Variants in ATP5F1E observed in about 807,000 individuals in gnomAD.
ATP5F1E encodes the protein ATP synthase F1 subunit epsilon.
A neutral mutation model predicts 7.0 loss-of-function variants in ATP5F1E; 5 were observed. The observed-to-expected ratio is 0.71, with a 90% CI of 0.37 to 1.49. The LOEUF is 1.49. Ranked by LOEUF, ATP5F1E falls within the 40% of genes most tolerant of loss-of-function variation. The probability of loss-of-function intolerance (pLI) is 0.03; values close to 1 mark genes in which losing one functional copy is unlikely to be tolerated. For missense variants in ATP5F1E, 59 were observed against 57.1 expected (o/e 1.03, Z -0.11); for synonymous variants, 20 against 20.1 (o/e 0.99, Z 0.02).
chr20:59,032,258 G>A lies in ATP5F1E; in HGVS notation c.-7C>T, dbSNP rs587780857. 1 of 1,601,462 alleles carries A rather than the reference G, an allele frequency of 6.2e-7. No homozygotes were observed. Among genetic ancestry groups the A allele is most frequent in the Non-Finnish European group, 8.5e-7 (1 of 1,174,754 alleles). ...GTCTCCAGTAGGCCACCATGCTGTA[G>A]CGAAAGCGGAGCTCGTCGGGCCGAA... is the stretch of plus-strand genomic sequence containing the variant. On this transcript the variant is annotated 5_prime_UTR_variant, in exon 1 of 3. Coordinates refer to ENST00000243997, the MANE Select transcript of ATP5F1E (RefSeq NM_006886.4).
intron 1 of ATP5F1E, among the ~76,000 whole-genome samples, chr20:59,031,513 T>C (rs1188490288): frequency 2.0e-5 from 3 of 152,156 alleles, no homozygotes; most frequent in Admixed American, 6.5e-5. Context: ...TAACAAGGTG[T>C]GTCACCTAGA....
chr20:59,030,856 T>C (rs2092023194), intron 1 of ATP5F1E, among the ~76,000 whole-genome samples: 1 of 152,236 alleles, frequency 6.6e-6, no homozygotes, highest in Non-Finnish European at 1.5e-5. Flanking sequence ...GAGGTATACA[T>C]AAGAGAAAAC....
Position 59,026,177 on chromosome 20 carries a change from CT to C in ATP5F1E, c.*2667del, listed in dbSNP as rs1242643142. ...GATGACAGTTGCTCATTCTGAGAAA[CT>C]TCACTCTTTTCACTTATGCATCACG... On this transcript the variant is annotated 3_prime_UTR_variant, in exon 3 of 3. Coordinates refer to ENST00000243997, the MANE Select transcript of ATP5F1E (RefSeq NM_006886.4). 6.6e-6 allele frequency: 1 copy of C among 152,192 alleles called. No homozygotes were observed. The highest frequency in any genetic ancestry group is 1.9e-4 in the East Asian group (1 of 5,202). 9.4% of individuals were successfully genotyped at this position (152,192 alleles called of 1,614,324 possible). A position where few individuals can be genotyped will look rare whatever the true frequency, so the allele number is the denominator to read the frequency against.
At chr20:59,031,455 C>T (rs763832619) in intron 1 of ATP5F1E, among the ~76,000 whole-genome samples, 7 of 152,186 alleles carry the variant, frequency 4.6e-5, no homozygotes, top group South Asian at 2.1e-4. Context: ...CGGGAAGCTC[C>T]GCTGTAGTGT....
chr20:59,025,916 ACTT>A lies in ATP5F1E; in HGVS notation c.*2926_*2928del, dbSNP rs1422729182. On this transcript the variant is annotated 3_prime_UTR_variant, in exon 3 of 3. Coordinates refer to ENST00000243997, the MANE Select transcript of ATP5F1E (RefSeq NM_006886.4). Reference sequence around the variant, plus strand: ...CAAGAGCGTAATCAAATCATCTGTAACTTCTTAATTACAGTTTACCTATTTCTG... The same window carrying A: ...CAAGAGCGTAATCAAATCATCTGTAACTTAATTACAGTTTACCTATTTCTG... The A allele has an allele frequency of 6.6e-6, 1 of 152,254 alleles. No individual in the cohort carries two copies. The highest frequency in any genetic ancestry group is 2.4e-5 in the African/African-American group (1 of 41,468). 9.4% of individuals were successfully genotyped at this position (152,254 alleles called of 1,614,324 possible). A position where few individuals can be genotyped will look rare whatever the true frequency, so the allele number is the denominator to read the frequency against.
In ATP5F1E at chr20:59,025,645, C is replaced by T. The variant is rs1015170491; in HGVS notation, c.*3200G>A. ...TTCACTTTCATTCAGTCATCACCCC[C>T]CAAAATGCTCTGCAGCCTCTCTGCT... On this transcript the variant is annotated 3_prime_UTR_variant, in exon 3 of 3. Transcript: ENST00000243997. 1 of 152,218 alleles carries T rather than the reference C, an allele frequency of 6.6e-6. No individual in the cohort carries two copies. The highest frequency in any genetic ancestry group is 1.5e-5 in the Non-Finnish European group (1 of 68,046). 9.4% of individuals were successfully genotyped at this position (152,218 alleles called of 1,614,324 possible). A position where few individuals can be genotyped will look rare whatever the true frequency, so the allele number is the denominator to read the frequency against.
chr20:59,029,699 G>T (rs774504840), intron 2 of ATP5F1E: 1 of 160,102 alleles, frequency 6.2e-6, no homozygotes, highest in Non-Finnish European at 1.4e-5. Context: ...TATTTCACGA[G>T]AATTTAACTT....
chr20:59,030,123 TTTTTA>T, intron 2 of ATP5F1E, 175 bp downstream of exon 2: 1 of 672,230 alleles, frequency 1.5e-6, no homozygotes, highest in Non-Finnish European at 2.3e-6. Context: ...GAAGACTTTC[TTTTTA>T]TTAGGCCAGG....
intron 1 of ATP5F1E, among the ~76,000 whole-genome samples, chr20:59,031,982 G>A (rs1171173216): frequency 6.6e-6 from 1 of 152,266 alleles, no homozygotes; most frequent in Non-Finnish European, 1.5e-5. Flanking sequence ...CACTCTGTGG[G>A]TGCTGGGCCG....
chr20:59,029,949 T>A (rs2092015365), intron 2 of ATP5F1E: 1 of 329,900 alleles, frequency 3.0e-6, no homozygotes, highest in Non-Finnish European at 5.9e-6. Flanking sequence ...GACTGTTATG[T>A]AACTCCAATT....
chr20:59,026,556 G>A lies in ATP5F1E; in HGVS notation c.*2289C>T, dbSNP rs2146379655. The A allele has an allele frequency of 6.6e-6, 1 of 152,300 alleles. No individual in the cohort carries two copies. The highest frequency in any genetic ancestry group is 1.9e-4 in the East Asian group (1 of 5,188). 9.4% of individuals were successfully genotyped at this position (152,300 alleles called of 1,614,324 possible). On this transcript the variant is annotated 3_prime_UTR_variant, in exon 3 of 3. Coordinates refer to ENST00000243997, the MANE Select transcript of ATP5F1E (RefSeq NM_006886.4). ...CTGACTTATATTACTGTAAAGATTT[G>A]TTTGCTCAATAGTAATCATTAAACT...
intron 1 of ATP5F1E, 84 bp downstream of exon 1, chr20:59,032,136 G>T: frequency 6.5e-7 from 1 of 1,528,260 alleles, no homozygotes; most frequent in Admixed American, 2.0e-5. Flanking sequence ...TGGGGCCGCT[G>T]CTCTGTGTCC....
intron 1 of ATP5F1E, among the ~76,000 whole-genome samples, chr20:59,031,536 T>C (rs1267162324): frequency 6.6e-6 from 1 of 152,236 alleles, no homozygotes; most frequent in Non-Finnish European, 1.5e-5. Context: ...AAGGTACTTC[T>C]GCTCACTCAG....
chr20:59,028,800 T>A lies in ATP5F1E; in HGVS notation c.*45A>T, dbSNP rs2092008158. 1 of 167,162 alleles carries A rather than the reference T, an allele frequency of 6.0e-6. No homozygotes were observed. The highest frequency in any genetic ancestry group is 2.4e-5 in the African/African-American group (1 of 41,392). 10.4% of individuals were successfully genotyped at this position (167,162 alleles called of 1,614,324 possible). On this transcript the variant is annotated 3_prime_UTR_variant, in exon 3 of 3. Coordinates refer to ENST00000243997, the MANE Select transcript of ATP5F1E (RefSeq NM_006886.4). The stretch of plus-strand genomic sequence containing the variant: ...ATCTGCCATAACATGTGCCCACACA[T>A]CTTCACCTTGGAAATGTAGCATTTC...
rs1217592524 is a variant in ATP5F1E, at chr20:59,026,151, G to T, written c.*2694C>A. On this transcript the variant is annotated 3_prime_UTR_variant, in exon 3 of 3. Transcript: ENST00000243997. The stretch of plus-strand genomic sequence containing the variant: ...AGCAATAATAAAATAGCAGGTAGAT[G>T]GATGACAGTTGCTCATTCTGAGAAA... 6.6e-6 allele frequency: 1 copy of T among 152,196 alleles called. No individual in the cohort carries two copies. The highest frequency in any genetic ancestry group is 1.5e-5 in the Non-Finnish European group (1 of 68,046). 9.4% of individuals were successfully genotyped at this position (152,196 alleles called of 1,614,324 possible). A position where few individuals can be genotyped will look rare whatever the true frequency, so the allele number is the denominator to read the frequency against.
intron 1 of ATP5F1E, among the ~76,000 whole-genome samples, chr20:59,031,929 C>CCT (rs1386672559): frequency 1.3e-5 from 2 of 152,244 alleles, no homozygotes; most frequent in Non-Finnish European, 2.9e-5. Flanking sequence ...TAAGAGCTGG[C>CCT]CTCTCTCTCG....
Position 59,032,255 on chromosome 20 carries a change from G to A in ATP5F1E, c.-4C>T. 2 of 1,601,854 alleles carry A rather than the reference G, an allele frequency of 1.2e-6. No individual in the cohort carries two copies. The highest frequency in any genetic ancestry group is 1.7e-6 in the Non-Finnish European group (2 of 1,174,902). ...CCTGTCTCCAGTAGGCCACCATGCTGTAGCGAAAGCGGAGCTCGTCGGGCC... is the reference window on the plus strand; with the variant it reads ...CCTGTCTCCAGTAGGCCACCATGCTATAGCGAAAGCGGAGCTCGTCGGGCC... On this transcript the variant is annotated 5_prime_UTR_variant, in exon 1 of 3. Transcript: ENST00000243997.
At chr20:59,031,201 C>T (rs2092025889) in intron 1 of ATP5F1E, among the ~76,000 whole-genome samples, 1 of 152,138 alleles carries the variant, frequency 6.6e-6, no homozygotes, top group South Asian at 2.1e-4. Flanking sequence ...TGCTTCCATT[C>T]TTACTAACTG....
Position 59,032,301 on chromosome 20 carries a change from A to C in ATP5F1E, c.-50T>G, listed in dbSNP as rs1329923993. 6.3e-7 allele frequency: 1 copy of C among 1,581,372 alleles called. No individual in the cohort carries two copies. The highest frequency in any genetic ancestry group is 1.1e-5 in the South Asian group (1 of 86,976). Reference sequence around the variant, plus strand: ...GGGCCGAATCGCCAAGACGCCGGCAATGTCGGCTCAGCCGGGCGGTTCAGC... The same window carrying C: ...GGGCCGAATCGCCAAGACGCCGGCACTGTCGGCTCAGCCGGGCGGTTCAGC... On this transcript the variant is annotated 5_prime_UTR_variant, in exon 1 of 3. Coordinates refer to ENST00000243997, the MANE Select transcript of ATP5F1E (RefSeq NM_006886.4).
Sources: allele counts gnomAD v4.1 joint callset (sites outside exome capture counted in the v4.1 genomes callset), GRCh38; gene constraint gnomAD v4.1.1; transcripts MANE v1.5; gene names NCBI Gene and HGNC (gene_info 2026-07-23, HGNC 2026-07-21).